Variants in HEMK1 observed in about 807,000 individuals in gnomAD.
HEMK1 encodes HemK methyltransferase 1, mitochondrial release factors N(5)-glutamine.
Under a neutral mutation model 47.9 loss-of-function variants are expected in HEMK1, and 36 were observed. The observed-to-expected ratio is 0.75, with a 90% CI of 0.58 to 0.99. HEMK1 has a LOEUF of 0.99. HEMK1 is among the 50% of genes least tolerant of loss of function. The pLI, the probability that HEMK1 is intolerant of heterozygous loss-of-function variation, is 0.00. For missense variants in HEMK1, 383 were observed against 434.5 expected (o/e 0.88, Z 1.05); for synonymous variants, 153 against 165.4 (o/e 0.93, Z 0.57).
At chr3:50,574,896 G>A (rs1424162109) in intron 4 of HEMK1, among the ~76,000 whole-genome samples, 2 of 152,218 alleles carry the variant, frequency 1.3e-5, no homozygotes, top group African/African-American at 4.8e-5. Context: ...AGTTCTGCCT[G>A]CTTTGGACTT....
rs1419106406 is a variant in HEMK1 at position 50,594,071 on chromosome 3, TTTA to T, written c.*13655_*13657del. On this transcript the variant is annotated 3_prime_UTR_variant, in exon 11 of 11. Coordinates refer to ENST00000232854, the MANE Select transcript of HEMK1 (RefSeq NM_016173.5). ...TTATGGCTCTTATTTATTTTCCTTGTTTAATAGCTTGGCTGAGACCTTCAATAC... is the reference window on the plus strand; with the variant it reads ...TTATGGCTCTTATTTATTTTCCTTGTATAGCTTGGCTGAGACCTTCAATAC... 6.6e-6 allele frequency: 1 copy of T among 152,210 alleles called. No individual in the cohort carries two copies. Among genetic ancestry groups the T allele is most frequent in the Non-Finnish European group, 1.5e-5 (1 of 68,036 alleles). The allele number at this position is 152,210 out of a possible 1,614,324, so 9.4% of individuals were successfully genotyped here.
At position 50,588,457 on chromosome 3, in the gene HEMK1, A is replaced by C. The variant is rs73835545; in HGVS notation, c.*8040A>C. The C allele has an allele frequency of 2.0e-5, 3 of 152,376 alleles. No individual in the cohort carries two copies. The highest frequency in any genetic ancestry group is 7.2e-5 in the African/African-American group (3 of 41,590). 9.4% of individuals were successfully genotyped at this position (152,376 alleles called of 1,614,324 possible). ...GGCCTCAACCCCCCAGAGGGGCCTC[A>C]GGAGCCAGTTAGGTGCCCCACAGCC... On this transcript the variant is annotated 3_prime_UTR_variant, in exon 11 of 11. Coordinates refer to ENST00000232854, the MANE Select transcript of HEMK1 (RefSeq NM_016173.5).
rs181072253 is a variant in HEMK1 at position 50,582,125 on chromosome 3, C to G, written c.*1708C>G. On this transcript the variant is annotated 3_prime_UTR_variant, in exon 11 of 11. Transcript: ENST00000232854. ...TGACCTCGGAGCAGTCTGTCGCCCC[C>G]CTACACCTCAGCCAGTCCTGGCTTC... 2.4e-3 allele frequency: 369 copies of G among 152,394 alleles called. 1 individual carries two copies. Among genetic ancestry groups the G allele is most frequent in the Non-Finnish European group, 4.0e-3 (272 of 68,094 alleles). 9.4% of individuals were successfully genotyped at this position (152,394 alleles called of 1,614,324 possible).
At chr3:50,572,945 C>T (rs1017163701) in intron 4 of HEMK1, among the ~76,000 whole-genome samples, 1 of 152,196 alleles carries the variant, frequency 6.6e-6, no homozygotes, top group East Asian at 1.9e-4. Context: ...AGCCAGAGGG[C>T]GCCAGGTTCT....
At chr3:50,571,920 G>A (rs1426232766) in intron 3 of HEMK1, 119 bp downstream of exon 3, 15 of 1,295,076 alleles carry the variant, frequency 1.2e-5, no homozygotes, top group African/African-American at 2.9e-5. Flanking sequence ...GTGTTGGGGT[G>A]CAGGAGTGGC....
chr3:50,590,971 C>T lies in HEMK1; in HGVS notation c.*10554C>T, dbSNP rs190365004. On this transcript the variant is annotated 3_prime_UTR_variant, in exon 11 of 11. Coordinates refer to ENST00000232854, the MANE Select transcript of HEMK1 (RefSeq NM_016173.5). The stretch of plus-strand genomic sequence containing the variant: ...AAAGAGAGAAATGAGAAGCAAAACC[C>T]TAGGGCCCCAGTATCACCCCTCCTT... 3.9e-5 allele frequency: 6 copies of T among 152,354 alleles called. No homozygotes were observed. The highest frequency in any genetic ancestry group is 3.9e-4 in the Admixed American group (6 of 15,306). 9.4% of individuals were successfully genotyped at this position (152,354 alleles called of 1,614,324 possible).
chr3:50,579,050 G>C, intron 8 of HEMK1, 124 bp downstream of exon 8: 1 of 682,538 alleles, frequency 1.5e-6, no homozygotes, highest in Non-Finnish European at 2.5e-6. Flanking sequence ...ATGGTGTTAA[G>C]TTGACGCACT....
Position 50,585,812 on chromosome 3 carries a change from A to G in HEMK1, c.*5395A>G, listed in dbSNP as rs2031308404. 6.6e-6 allele frequency: 1 copy of G among 152,142 alleles called. No homozygotes were observed. Among genetic ancestry groups the G allele is most frequent in the South Asian group, 2.1e-4 (1 of 4,832 alleles). 9.4% of individuals were successfully genotyped at this position (152,142 alleles called of 1,614,324 possible). On this transcript the variant is annotated 3_prime_UTR_variant, in exon 11 of 11. Transcript: ENST00000232854. ...CAATCCCTGATCTTTTTTCCCAGAGAGGGATGGGGCTTACTTGAAGTAACA... is the reference window on the plus strand; with the variant it reads ...CAATCCCTGATCTTTTTTCCCAGAGGGGGATGGGGCTTACTTGAAGTAACA...
intron 8 of HEMK1, 88 bp from the exon 9 acceptor site, chr3:50,579,756 C>A: frequency 3.2e-6 from 3 of 925,038 alleles, no homozygotes; most frequent in Non-Finnish European, 5.1e-6. Flanking sequence ...TTCCACAGGG[C>A]CCCATTCATG....
In HEMK1 at chr3:50,589,181, TCA is replaced by T. The variant is rs1369647205; in HGVS notation, c.*8765_*8766del. 1 of 152,248 alleles carries T rather than the reference TCA, an allele frequency of 6.6e-6. No individual in the cohort carries two copies. Among genetic ancestry groups the T allele is most frequent in the East Asian group, 1.9e-4 (1 of 5,198 alleles). The allele number at this position is 152,248 out of a possible 1,614,324, so 9.4% of individuals were successfully genotyped here. A position where few individuals can be genotyped will look rare whatever the true frequency, so the allele number is the denominator to read the frequency against. On this transcript the variant is annotated 3_prime_UTR_variant, in exon 11 of 11. Coordinates refer to ENST00000232854, the MANE Select transcript of HEMK1 (RefSeq NM_016173.5). ...TGTTGGTCTCAATGTCCATTTTCTTTCAGTGTTTGATTTTGGTAGCACAGGAC... is the reference window on the plus strand; with the variant it reads ...TGTTGGTCTCAATGTCCATTTTCTTTGTGTTTGATTTTGGTAGCACAGGAC...
rs906394420 is a variant in HEMK1, at chr3:50,595,548, T to C, written c.*15131T>C. ...GGACAATAAAATCTGCCTTTTGCTC[T>C]GGAGGGAGATACTACCTCTATCTTC... is the stretch of plus-strand genomic sequence containing the variant. On this transcript the variant is annotated 3_prime_UTR_variant, in exon 11 of 11. Transcript: ENST00000232854. The C allele has an allele frequency of 6.6e-6, 1 of 152,204 alleles. No individual in the cohort carries two copies. Among genetic ancestry groups the C allele is most frequent in the African/African-American group, 2.4e-5 (1 of 41,458 alleles). The allele number at this position is 152,204 out of a possible 1,614,324, so 9.4% of individuals were successfully genotyped here. A position where few individuals can be genotyped will look rare whatever the true frequency, so the allele number is the denominator to read the frequency against.
At chr3:50,576,129 G>T (rs1231552609) in intron 4 of HEMK1, among the ~76,000 whole-genome samples, 7 of 152,198 alleles carry the variant, frequency 4.6e-5, no homozygotes, top group Non-Finnish European at 1.0e-4. Flanking sequence ...TCCCCCCATG[G>T]CCCATCTCCT....
At chr3:50,575,381 C>T (rs1479090547) in intron 4 of HEMK1, among the ~76,000 whole-genome samples, 1 of 151,854 alleles carries the variant, frequency 6.6e-6, no homozygotes, top group Non-Finnish European at 1.5e-5. Context: ...CAAGATCGCG[C>T]CATTGTACTC....
intron 5 of HEMK1, 90 bp from the exon 6 acceptor site, chr3:50,577,419 G>A (rs1011927305): frequency 7.7e-7 from 1 of 1,292,758 alleles, no homozygotes; most frequent in Non-Finnish European, 1.1e-6. Context: ...CTCTTCTGGT[G>A]GGGGGTTGGA....
chr3:50,579,494 T>C (rs764219268), intron 8 of HEMK1, among the ~76,000 whole-genome samples: 1 of 152,152 alleles, frequency 6.6e-6, no homozygotes, highest in Non-Finnish European at 1.5e-5. Context: ...TCTCCCTTTC[T>C]GGGCTCTCAG....
rs1055661504 is a variant in HEMK1, at chr3:50,588,511, T to C, written c.*8094T>C. On this transcript the variant is annotated 3_prime_UTR_variant, in exon 11 of 11. Coordinates refer to ENST00000232854, the MANE Select transcript of HEMK1 (RefSeq NM_016173.5). ...GTGGGCTCCAGGGTGAAGGGGAAAG[T>C]GATGAATCAAACAGAAAGCAGCAGA... 4 of 152,152 alleles carry C rather than the reference T, an allele frequency of 2.6e-5. No homozygotes were observed. The highest frequency in any genetic ancestry group is 5.9e-5 in the Non-Finnish European group (4 of 68,038). 9.4% of individuals were successfully genotyped at this position (152,152 alleles called of 1,614,324 possible). A position where few individuals can be genotyped will look rare whatever the true frequency, so the allele number is the denominator to read the frequency against.
intron 4 of HEMK1, among the ~76,000 whole-genome samples, chr3:50,575,600 A>T (rs1211605197): frequency 1.3e-5 from 2 of 152,114 alleles, no homozygotes; most frequent in African/African-American, 4.8e-5. Context: ...GGGTGGAGAA[A>T]GCCGTGGTAG....
In HEMK1 at chr3:50,593,980, C is replaced by T. The variant is rs1221810584; in HGVS notation, c.*13563C>T. On this transcript the variant is annotated 3_prime_UTR_variant, in exon 11 of 11. Coordinates refer to ENST00000232854, the MANE Select transcript of HEMK1 (RefSeq NM_016173.5). The stretch of plus-strand genomic sequence containing the variant: ...GACCTCAAGTGATCTGCCACCTCGG[C>T]CTCCCAAAATGCTGGGATTACAGGC... 6.6e-6 allele frequency: 1 copy of T among 152,170 alleles called. No homozygotes were observed. Among genetic ancestry groups the T allele is most frequent in the Non-Finnish European group, 1.5e-5 (1 of 68,030 alleles). 9.4% of individuals were successfully genotyped at this position (152,170 alleles called of 1,614,324 possible).
rs1027260555 is a variant in HEMK1, at chr3:50,582,820, T to A, written c.*2403T>A. The stretch of plus-strand genomic sequence containing the variant: ...CAGGCTGGTAGCCTGGCAGCCTACA[T>A]CTCCCCTCAGCCTCTCCTCACTATG... On this transcript the variant is annotated 3_prime_UTR_variant, in exon 11 of 11. Transcript: ENST00000232854. 2.0e-5 allele frequency: 3 copies of A among 152,236 alleles called. No individual in the cohort carries two copies. Among genetic ancestry groups the A allele is most frequent in the African/African-American group, 7.2e-5 (3 of 41,424 alleles). The allele number at this position is 152,236 out of a possible 1,614,324, so 9.4% of individuals were successfully genotyped here.
Sources: allele counts gnomAD v4.1 joint callset (sites outside exome capture counted in the v4.1 genomes callset), GRCh38; gene constraint gnomAD v4.1.1; transcripts MANE v1.5; gene names NCBI Gene and HGNC (gene_info 2026-07-23, HGNC 2026-07-21).